Variants in MTFR1 observed in about 807,000 individuals in gnomAD.
MTFR1 encodes the protein chondrocyte protein with a poly-proline region.
A neutral mutation model predicts 38.8 loss-of-function variants in MTFR1; 28 were observed. That is an observed-to-expected ratio of 0.72 (90% confidence interval 0.53 to 0.99). The LOEUF (loss-of-function observed/expected upper bound fraction) is 0.99. MTFR1 is among the 50% of genes least tolerant of loss of function. The pLI is 0.00. For missense variants in MTFR1, 358 were observed against 395.5 expected (o/e 0.91, Z 0.81); for synonymous variants, 145 against 137.0 (o/e 1.06, Z -0.41).
At chr8:65,712,634 CAGA>C (rs970924937), downstream of MTFR1, among the ~76,000 whole-genome samples, 4 of 152,200 alleles carry the variant, frequency 2.6e-5, no homozygotes, top group East Asian at 1.9e-4. Flanking sequence ...GGGAGCCACT[CAGA>C]AGATTAGGTA....
At chr8:65,726,655 T>C (rs1806624386) in intron 3 of MTFR1, among the ~76,000 whole-genome samples, 2 of 152,186 alleles carry the variant, frequency 1.3e-5, no homozygotes, top group Admixed American at 6.5e-5. Context: ...TTCAAACCCA[T>C]GGAATAGTCT....
At chr8:65,735,236 G>A (rs1234089749) in intron 3 of MTFR1, among the ~76,000 whole-genome samples, 3 of 152,172 alleles carry the variant, frequency 2.0e-5, no homozygotes, top group East Asian at 3.8e-4. Context: ...CAATCGCCGA[G>A]TGAGCGGGAC....
chr8:65,774,248 G>A (rs1004743052), downstream of MTFR1, among the ~76,000 whole-genome samples: 9 of 152,002 alleles, frequency 5.9e-5, no homozygotes, highest in East Asian at 1.9e-4. Context: ...TTACTCTTTC[G>A]TGCTGTTGGA....
intron 1 of MTFR1, among the ~76,000 whole-genome samples, chr8:65,655,897 T>G (rs1446807698): frequency 7.3e-6 from 1 of 136,158 alleles, no homozygotes; most frequent in Non-Finnish European, 1.5e-5. Flanking sequence ...TGCAGCGAGC[T>G]GAGATCACGC....
At chr8:65,757,307 A>G (rs1342958448) in intron 3 of MTFR1, among the ~76,000 whole-genome samples, 1 of 152,252 alleles carries the variant, frequency 6.6e-6, no homozygotes, top group Non-Finnish European at 1.5e-5. Flanking sequence ...AACAAGGGCT[A>G]TGGAAGTTAC....
intron 2 of MTFR1, chr8:65,679,382 G>T (rs1051813780): frequency 2.0e-5 from 3 of 152,208 alleles, no homozygotes; most frequent in Non-Finnish European, 4.4e-5. Flanking sequence ...AAGACAGGTG[G>T]ATCACTTGAG....
In MTFR1 at chr8:65,704,862, A is replaced by G; in HGVS notation, c.450A>G (p.Glu150=). 6.2e-7 allele frequency: 1 copy of G among 1,613,442 alleles called. No homozygotes were observed. The highest frequency in any genetic ancestry group is 8.5e-7 in the Non-Finnish European group (1 of 1,179,672). Residue 150 remains glutamate, a synonymous_variant, in exon 5 of 8, where the codon GAA becomes GAG. Transcript: ENST00000262146. ...AGAAGATTTGCGCTCTCGAAAATGA[A>G]CTTGCTGCTCTCAGAGCTCAGATTG... ...ALQKICALEN[E]LAALRAQIAK...
At chr8:65,772,642 AAAG>A (rs1273663584), downstream of MTFR1, among the ~76,000 whole-genome samples, 3 of 152,218 alleles carry the variant, frequency 2.0e-5, no homozygotes, top group African/African-American at 7.2e-5. Context: ...ACTGGAAATA[AAAG>A]AAGGATAATC....
At chr8:65,760,030 A>G (rs1808419471) in intron 3 of MTFR1, among the ~76,000 whole-genome samples, 1 of 152,192 alleles carries the variant, frequency 6.6e-6, no homozygotes, top group South Asian at 2.1e-4. Flanking sequence ...ACTTGAGGTC[A>G]GGAGTTCAAG....
intron 1 of MTFR1, among the ~76,000 whole-genome samples, chr8:65,657,043 C>T (rs1303468302): frequency 3.4e-5 from 5 of 147,596 alleles, no homozygotes; most frequent in Admixed American, 6.7e-5. Flanking sequence ...GACGGAGTCT[C>T]ACTCTTATTG....
intron 3 of MTFR1, among the ~76,000 whole-genome samples, chr8:65,751,188 T>C (rs1475735463): frequency 6.6e-6 from 1 of 152,198 alleles, no homozygotes; most frequent in African/African-American, 2.4e-5. Context: ...TGGTAAAGAA[T>C]GAAAATCCCA....
chr8:65,710,875 C>G (rs1010228906), downstream of MTFR1, among the ~76,000 whole-genome samples: 3 of 152,000 alleles, frequency 2.0e-5, no homozygotes, highest in African/African-American at 7.3e-5. Flanking sequence ...CAACACAACA[C>G]CTGAAGTAAA....
downstream of MTFR1, among the ~76,000 whole-genome samples, chr8:65,771,471 T>C (rs1210437001): frequency 6.6e-6 from 1 of 152,192 alleles, no homozygotes; most frequent in African/African-American, 2.4e-5. Context: ...TCATATGTCT[T>C]TAACCTGTTG....
At chr8:65,723,677 A>T (rs1206099035) in intron 3 of MTFR1, 13 of 1,252,800 alleles carry the variant, frequency 1.0e-5, no homozygotes, top group Non-Finnish European at 1.4e-5. Context: ...GGTTAAATAT[A>T]TAATTAAAGG....
intron 3 of MTFR1, chr8:65,745,479 A>G: frequency 6.8e-7 from 1 of 1,464,026 alleles, no homozygotes; most frequent in Non-Finnish European, 9.6e-7. Context: ...CACTGAAATG[A>G]AAACCAAACA....
chr8:65,696,571 T>C (rs995086493), intron 4 of MTFR1, among the ~76,000 whole-genome samples: 5 of 152,058 alleles, frequency 3.3e-5, no homozygotes, highest in African/African-American at 1.2e-4. Context: ...CCTCAACTCC[T>C]TCTTAATGGC....
chr8:65,749,494 A>T (rs1340035185), intron 3 of MTFR1, among the ~76,000 whole-genome samples: 2 of 152,164 alleles, frequency 1.3e-5, no homozygotes, highest in Admixed American at 6.5e-5. Flanking sequence ...AACTTACTTT[A>T]AAAAAAGGAC....
Position 65,649,341 on chromosome 8 carries a change from C to T in MTFR1, c.-81+4557C>T, listed in dbSNP as rs563808896. On this transcript the variant is annotated intron_variant, in intron 1 of 7. Transcript: ENST00000262146. ...CTGGGATTACAGGACCCCGCCACCACGACCTGCTAATTTTTTGTATTTTTA... is the reference window on the plus strand; with the variant it reads ...CTGGGATTACAGGACCCCGCCACCATGACCTGCTAATTTTTTGTATTTTTA... Among the ~76,000 whole-genome samples, 13 of 152,158 alleles carry T rather than the reference C, an allele frequency of 8.5e-5. No individual in the cohort carries two copies. In the East Asian group the frequency reaches 2.1e-3, roughly 25 times the overall value.
chr8:65,704,952 A>C, intron 5 of MTFR1, 23 bp downstream of exon 5: 1 of 1,537,476 alleles, frequency 6.5e-7, no homozygotes, highest in Non-Finnish European at 8.8e-7. Context: ...TACATTTGTT[A>C]GTTTTAACTT....
Sources: gnomAD v4.1 joint callset for allele counts (sites outside exome capture counted in the v4.1 genomes callset) on GRCh38, gnomAD v4.1.1 for gene constraint, MANE v1.5 for transcripts, NCBI Gene and HGNC (gene_info 2026-07-23, HGNC 2026-07-21) for gene names.